Variants in EDNRB observed in about 807,000 individuals in gnomAD.
EDNRB encodes the protein endothelin receptor type B, also known as Hirschsprung disease 2.
EDNRB carries 18 observed loss-of-function variants against 46.4 expected under a neutral mutation model. The observed-to-expected ratio is 0.39, with a 90% CI of 0.27 to 0.57. The LOEUF is 0.57. Among genes scored for constraint, EDNRB ranks in the 20% least tolerant of loss-of-function variants. The pLI is 0.61. For synonymous variants in EDNRB, 213 were observed against 204.9 expected (o/e 1.04, Z -0.34); for missense variants, 434 against 537.5 (o/e 0.81, Z 1.90).
chr13:77,955,552 T>G (rs566471067), intron 1 of EDNRB, among the ~76,000 whole-genome samples: 14 of 152,178 alleles, frequency 9.2e-5, no homozygotes, highest in Non-Finnish European at 1.9e-4. Context: ...CCAAGTCAAT[T>G]GTCCATCATC....
chr13:77,948,989 A>G (rs1253687957), intron 1 of EDNRB, among the ~76,000 whole-genome samples: 2 of 152,252 alleles, frequency 1.3e-5, no homozygotes, highest in African/African-American at 4.8e-5. Context: ...ATCTGCAAAT[A>G]TGAAGATTTG....
chr13:77,919,009 A>G, upstream of EDNRB: 4 of 737,670 alleles, frequency 5.4e-6, no homozygotes, highest in Non-Finnish European at 7.1e-6. Context: ...TAAGGCACCT[A>G]GAGGCCAAGG....
intron 1 of EDNRB, among the ~76,000 whole-genome samples, chr13:77,964,694 G>A (rs970688398): frequency 6.6e-6 from 1 of 152,120 alleles, no homozygotes; most frequent in Non-Finnish European, 1.5e-5. Flanking sequence ...GAGTTAATGG[G>A]TGTAGCACAC....
chr13:77,921,730 T>C (rs1200642456), upstream of EDNRB, among the ~76,000 whole-genome samples: 2 of 152,244 alleles, frequency 1.3e-5, no homozygotes, highest in East Asian at 3.8e-4. Flanking sequence ...TGTAAAGAAT[T>C]GTTCATTGAT....
At chr13:77,973,899 A>G (rs1229986893) in intron 1 of EDNRB, among the ~76,000 whole-genome samples, 1 of 151,512 alleles carries the variant, frequency 6.6e-6, no homozygotes. Flanking sequence ...TTTACCATAT[A>G]ATACTCTTTT....
chr13:77,941,169 C>A (rs1212833095), intron 1 of EDNRB, among the ~76,000 whole-genome samples: 1 of 152,064 alleles, frequency 6.6e-6, no homozygotes, highest in African/African-American at 2.4e-5. Context: ...AGTAAAGAAA[C>A]TATCCCGTTA....
intron 1 of EDNRB, among the ~76,000 whole-genome samples, chr13:77,908,314 C>T (rs747638387): frequency 6.6e-6 from 1 of 151,632 alleles, no homozygotes; most frequent in Non-Finnish European, 1.5e-5. Context: ...TATTGATGCT[C>T]ATCTCTGTCA....
intron 1 of EDNRB, chr13:77,947,776 TTAA>T (rs1880973264): frequency 2.2e-5 from 3 of 138,812 alleles, no homozygotes; most frequent in Non-Finnish European, 4.6e-5. Context: ...ACCCAGCTAA[TTAA>T]TTTTTTTTTT....
intron 1 of EDNRB, among the ~76,000 whole-genome samples, chr13:77,945,607 A>C (rs76552180): frequency 0.014 from 2,195 of 152,244 alleles, 45 homozygotes; most frequent in East Asian, 0.024. Context: ...CAGTTTCACA[A>C]TGACTTGTAG....
chr13:77,960,735 C>T (rs1238329010), intron 1 of EDNRB, among the ~76,000 whole-genome samples: 1 of 151,996 alleles, frequency 6.6e-6, no homozygotes, highest in African/African-American at 2.4e-5. Flanking sequence ...TTAAAAGACA[C>T]AGACTGGCAA....
chr13:77,917,988 G>T (rs1265902285), intron 1 of EDNRB, 103 bp downstream of exon 1: 22 of 1,570,998 alleles, frequency 1.4e-5, no homozygotes, highest in Non-Finnish European at 1.7e-6. Flanking sequence ...AGAACCTTAA[G>T]AGGGAGCTAA....
At chr13:77,913,398 C>G (rs1249227912) in intron 1 of EDNRB, among the ~76,000 whole-genome samples, 1 of 152,096 alleles carries the variant, frequency 6.6e-6, no homozygotes, top group Non-Finnish European at 1.5e-5. Context: ...CAGTGGGTCA[C>G]CAGCCTAATT....
At position 77,898,167 on chromosome 13, in the gene EDNRB, A is replaced by T. The variant is rs1456074272; in HGVS notation, c.*33T>A. 6.2e-7 allele frequency: 1 copy of T among 1,607,260 alleles called. No homozygotes were observed. Among genetic ancestry groups the T allele is most frequent in the Admixed American group, 1.7e-5 (1 of 59,616 alleles). ...TGTTTTAATGACTTCGGTCCAATAT[A>T]AAGAAAATGAAATACAGTGAATAGT... On this transcript the variant is annotated 3_prime_UTR_variant, in exon 7 of 7. Transcript: ENST00000646607.
intron 1 of EDNRB, among the ~76,000 whole-genome samples, chr13:77,904,063 G>A (rs1162400031): frequency 6.6e-6 from 1 of 151,976 alleles, no homozygotes; most frequent in Non-Finnish European, 1.5e-5. Context: ...TGTGCATTCA[G>A]GCACTTGTTC....
At chr13:77,946,334 G>C (rs953413262) in intron 1 of EDNRB, among the ~76,000 whole-genome samples, 3 of 152,206 alleles carry the variant, frequency 2.0e-5, no homozygotes, top group African/African-American at 7.2e-5. Flanking sequence ...AAAGGGTACA[G>C]AGGAGATACG....
intron 1 of EDNRB, among the ~76,000 whole-genome samples, chr13:77,947,243 A>C (rs1410075260): frequency 6.6e-6 from 1 of 152,018 alleles, no homozygotes; most frequent in Non-Finnish European, 1.5e-5. Flanking sequence ...TCTAAACATA[A>C]AGAGGTTGGT....
At chr13:77,955,853 CTAT>C (rs1881221510) in intron 1 of EDNRB, among the ~76,000 whole-genome samples, 1 of 127,986 alleles carries the variant, frequency 7.8e-6, no homozygotes, top group East Asian at 2.6e-4. Context: ...GTGTATCTAT[CTAT>C]CTATCTATCT....
chr13:77,941,536 T>G lies in EDNRB; in HGVS notation c.-51-22912A>C, dbSNP rs1333121923. On this transcript the variant is annotated intron_variant, in intron 1 of 7. Coordinates refer to the EDNRB transcript ENST00000646948. ...CTAACACTTTCATAAGTTCACAAGG[T>G]TCTTCTCTATTAGCTAGCTCATTTT... Among the ~76,000 whole-genome samples, 4 of 152,330 alleles carry G rather than the reference T, an allele frequency of 2.6e-5. No homozygotes were observed. The East Asian group carries it at 7.7e-4, about 29-fold the overall frequency.
upstream of EDNRB, chr13:77,918,889 G>C (rs1879964499): frequency 5.6e-6 from 7 of 1,248,788 alleles, no homozygotes; most frequent in Middle Eastern, 3.1e-4. The surrounding 1 kb of genome is among the most constrained non-coding windows in gnomAD (Gnocchi z 4.5). Flanking sequence ...TTCTGGAAGG[G>C]GTGTGCCAGG....
Sources: gnomAD v4.1 joint callset for allele counts (sites outside exome capture counted in the v4.1 genomes callset) on GRCh38, gnomAD v4.1.1 for gene constraint, Gnocchi (gnomAD v3.1) non-coding constraint, MANE v1.5 for transcripts, NCBI Gene and HGNC (gene_info 2026-07-23, HGNC 2026-07-21) for gene names.